The following CAMKMT variants were observed in gnomAD, a reference collection of about 807,000 sequenced individuals.
The protein encoded by CAMKMT is CaM KMT.
CAMKMT carries 53 observed loss-of-function variants against 48.0 expected under a neutral mutation model. That is an observed-to-expected ratio of 1.10 (90% CI 0.89 to 1.39). The LOEUF (loss-of-function observed/expected upper bound fraction) is 1.39. CAMKMT is among the 40% of genes most tolerant of loss of function. The probability of loss-of-function intolerance (pLI) is 0.00; values close to 1 mark genes in which losing one functional copy is unlikely to be tolerated. For synonymous variants in CAMKMT, 165 were observed against 152.3 expected, an observed-to-expected ratio of 1.08 and a Z score of -0.61; for missense variants, 428 against 402.7, an observed-to-expected ratio of 1.06 and a Z score of -0.54.
At chr2:44,459,234 A>G (rs1400155270) in intron 3 of CAMKMT, among the ~76,000 whole-genome samples, 2 of 152,238 alleles carry the variant, frequency 1.3e-5, no homozygotes, top group Non-Finnish European at 2.9e-5. Flanking sequence ...TGTATATTCA[A>G]AACAGCTACA....
chr2:44,373,874 A>G (rs1005338095), intron 2 of CAMKMT, among the ~76,000 whole-genome samples: 3 of 152,226 alleles, frequency 2.0e-5, no homozygotes, highest in East Asian at 1.9e-4. Context: ...CTGTAATCCT[A>G]GCACTTCAGG....
At chr2:44,659,274 A>C (rs1674549318) in intron 3 of CAMKMT, among the ~76,000 whole-genome samples, 1 of 151,974 alleles carries the variant, frequency 6.6e-6, no homozygotes, top group Non-Finnish European at 1.5e-5. Flanking sequence ...AAAAATAAAA[A>C]AATTAGCCAG....
chr2:44,662,506 G>A (rs1424628217), intron 3 of CAMKMT, among the ~76,000 whole-genome samples: 1 of 152,220 alleles, frequency 6.6e-6, no homozygotes. Context: ...TTGGGCAATT[G>A]TACGTGCACA....
chr2:44,638,405 A>T (rs1415640140), intron 3 of CAMKMT, among the ~76,000 whole-genome samples: 1 of 152,182 alleles, frequency 6.6e-6, no homozygotes, highest in African/African-American at 2.4e-5. Flanking sequence ...ATTGCAGGTT[A>T]AAAACAAAAG....
chr2:44,384,996 G>GT (rs1317409216), intron 2 of CAMKMT, among the ~76,000 whole-genome samples: 2 of 152,088 alleles, frequency 1.3e-5, no homozygotes, highest in Non-Finnish European at 2.9e-5. Flanking sequence ...TTTTAGAATT[G>GT]TTTTTTCTAA....
At chr2:44,474,393 G>A (rs1441341833) in intron 3 of CAMKMT, among the ~76,000 whole-genome samples, 2 of 151,042 alleles carry the variant, frequency 1.3e-5, no homozygotes, top group Non-Finnish European at 2.9e-5. Context: ...GTTGCAGTGG[G>A]CTGAGATTGT....
chr2:44,758,314 G>A (rs535591123), intron 9 of CAMKMT, among the ~76,000 whole-genome samples: 1 of 152,284 alleles, frequency 6.6e-6, no homozygotes, highest in South Asian at 2.1e-4. Flanking sequence ...TATGAATGAA[G>A]AGAGGTCCCC....
intron 3 of CAMKMT, among the ~76,000 whole-genome samples, chr2:44,677,272 G>A (rs1675755783): frequency 6.6e-6 from 1 of 152,148 alleles, no homozygotes; most frequent in Non-Finnish European, 1.5e-5. Flanking sequence ...AGTGTGCCAG[G>A]AGTTTTAACA....
chr2:44,594,330 C>G (rs1670515006), intron 3 of CAMKMT, among the ~76,000 whole-genome samples: 1 of 152,038 alleles, frequency 6.6e-6, no homozygotes, highest in Non-Finnish European at 1.5e-5. Context: ...TCATATGGAA[C>G]CAAAAAAGAG....
intron 3 of CAMKMT, among the ~76,000 whole-genome samples, chr2:44,400,290 A>C (rs930705965): frequency 6.6e-6 from 1 of 152,324 alleles, no homozygotes; most frequent in African/African-American, 2.4e-5. Context: ...AAAAAATTAC[A>C]ACCAGGATTT....
At chr2:44,673,664 A>T (rs1675494951) in intron 3 of CAMKMT, among the ~76,000 whole-genome samples, 1 of 152,134 alleles carries the variant, frequency 6.6e-6, no homozygotes. Context: ...CAAAACCTAG[A>T]AACATGGGAA....
At chr2:44,566,602 C>T (rs1668632034) in intron 3 of CAMKMT, among the ~76,000 whole-genome samples, 1 of 151,952 alleles carries the variant, frequency 6.6e-6, no homozygotes, top group African/African-American at 2.4e-5. Context: ...TCAAGCAGCC[C>T]TCTTTGCCAC....
At chr2:44,455,039 C>G (rs1024746587) in intron 3 of CAMKMT, among the ~76,000 whole-genome samples, 1 of 152,076 alleles carries the variant, frequency 6.6e-6, no homozygotes, top group Non-Finnish European at 1.5e-5. Flanking sequence ...ATCACATTAG[C>G]CCTGCTTCTC....
At chr2:44,432,484 A>G (rs1572861279) in intron 3 of CAMKMT, among the ~76,000 whole-genome samples, 1 of 152,204 alleles carries the variant, frequency 6.6e-6, no homozygotes, top group East Asian at 1.9e-4. Context: ...TACTGGTGGG[A>G]GAAGAAATAG....
chr2:44,619,097 T>C (rs1672040935), intron 3 of CAMKMT, among the ~76,000 whole-genome samples: 1 of 152,182 alleles, frequency 6.6e-6, no homozygotes, highest in African/African-American at 2.4e-5. Flanking sequence ...GATGGAAACA[T>C]AGATGTAGTA....
At chr2:44,692,930 A>G (rs1309150314) in intron 3 of CAMKMT, among the ~76,000 whole-genome samples, 1 of 152,204 alleles carries the variant, frequency 6.6e-6, no homozygotes, top group Non-Finnish European at 1.5e-5. Context: ...ATAAAATTGA[A>G]GGAAAATCCT....
chr2:44,397,345 G>C (rs1286563885), intron 3 of CAMKMT, among the ~76,000 whole-genome samples: 2 of 152,196 alleles, frequency 1.3e-5, no homozygotes, highest in Non-Finnish European at 2.9e-5. Context: ...AGAACGCATG[G>C]GTAATGATCA....
intron 2 of CAMKMT, among the ~76,000 whole-genome samples, chr2:44,383,163 T>G (rs190817568): frequency 6.6e-4 from 101 of 151,956 alleles, no homozygotes; most frequent in Admixed American, 4.3e-3. Context: ...TTATTTTATT[T>G]TATTTTAGTT....
chr2:44,704,412 A>T, intron 4 of CAMKMT, 69 bp downstream of exon 4: 2 of 1,016,874 alleles, frequency 2.0e-6, no homozygotes, highest in African/African-American at 3.3e-5. Flanking sequence ...AAAAATTGCC[A>T]TGATTATATT....
Sources: gnomAD v4.1 joint callset for allele counts (sites outside exome capture counted in the v4.1 genomes callset) on GRCh38, gnomAD v4.1.1 for gene constraint, MANE v1.5 for transcripts, NCBI Gene and HGNC (gene_info 2026-07-23, HGNC 2026-07-21) for gene names.